Variants in FAM110A observed in about 807,000 individuals in gnomAD.
FAM110A encodes family with sequence similarity 110 member A, also known as protein FAM110A.
Under a neutral mutation model 4.0 loss-of-function variants are expected in FAM110A, and 1 was observed. That is an observed-to-expected ratio of 0.25 (90% CI 0.09 to 1.20). The LOEUF (loss-of-function observed/expected upper bound fraction) is 1.20. FAM110A is among the 50% of genes most tolerant of loss of function. The probability of loss-of-function intolerance (pLI) is 0.50; values close to 1 mark genes in which losing one functional copy is unlikely to be tolerated. For missense variants in FAM110A, 436 were observed against 429.2 expected (o/e 1.02, Z -0.14); for synonymous variants, 217 against 196.8 (o/e 1.10, Z -0.86).
intron 1 of FAM110A, among the ~76,000 whole-genome samples, chr20:843,727 G>C (rs949548512): frequency 3.3e-5 from 5 of 152,198 alleles, no homozygotes; most frequent in African/African-American, 1.2e-4. Context: ...TGGAAACAGG[G>C]TCAGGGTTGG....
chr20:837,045 GT>G (rs71191980), intron 1 of FAM110A, among the ~76,000 whole-genome samples: 42 of 82,908 alleles, frequency 5.1e-4, no homozygotes, highest in East Asian at 2.1e-3. Flanking sequence ...ACTCTGCATT[GT>G]TTTTTTTTTT....
chr20:845,326 C>G lies in FAM110A; in HGVS notation c.522C>G (p.Ala174=). The G allele has an allele frequency of 3.8e-6, 6 of 1,563,972 alleles. No individual in the cohort carries two copies. The highest frequency in any genetic ancestry group is 5.2e-6 in the Non-Finnish European group (6 of 1,155,152). ...ARPCPSPGPA[A]ASSPARPPGL... is the part of the protein sequence containing the mutation. ...CCTGCCCATCACCCGGCCCTGCCGC[C>G]GCCTCCAGCCCAGCCCGGCCGCCGG... is the stretch of plus-strand genomic sequence containing the variant. Residue 174 remains alanine (A), a synonymous_variant, in exon 2 of 2, where the codon GCC becomes GCG. Transcript: ENST00000381941.
intron 1 of FAM110A, among the ~76,000 whole-genome samples, chr20:836,366 C>T (rs1186312704): frequency 6.6e-6 from 1 of 152,042 alleles, no homozygotes; most frequent in Non-Finnish European, 1.5e-5. Context: ...CATTGCCTCT[C>T]CCCCCAGTGC....
chr20:838,851 G>C (rs1169684335), intron 1 of FAM110A, among the ~76,000 whole-genome samples: 1 of 140,016 alleles, frequency 7.1e-6, no homozygotes, highest in Non-Finnish European at 1.5e-5. Context: ...ACAGAGTCTT[G>C]CTCTGTTGTC....
At position 841,520 on chromosome 20, in the gene FAM110A, C is replaced by T. The variant is rs540566251; in HGVS notation, c.-97-3188C>T. On this transcript the variant is annotated intron_variant, in intron 1 of 1. Transcript: ENST00000381941. ...CACACAGCGCCCTGCTAGCCGACCC[C>T]CCATCCCCCGCCACCGGGAGTCCTC... Among the ~76,000 whole-genome samples the T allele has an allele frequency of 2.6e-5, 4 of 152,312 alleles. No individual in the cohort carries two copies. The South Asian group carries it at 8.3e-4, about 32-fold the overall frequency.
In FAM110A at chr20:844,948, C is replaced by A; in HGVS notation, c.144C>A (p.Ala48=). The change falls in exon 2 of 2, where the codon GCC becomes GCA. Residue 48 remains alanine (A), a synonymous_variant. Transcript: ENST00000381941. ...CGAGCGCTGTGGAGCGCCTGGAGGC[C>A]GACAAGGCCAAGTACGTCAAGAGCC... ...RKPSAVERLE[A]DKAKYVKSLH... is the part of the protein sequence containing the mutation. The A allele has an allele frequency of 1.3e-6, 2 of 1,590,084 alleles. No individual in the cohort carries two copies. Among genetic ancestry groups the A allele is most frequent in the South Asian group, 2.3e-5 (2 of 87,886 alleles).
intron 1 of FAM110A, among the ~76,000 whole-genome samples, chr20:836,461 A>G (rs1979581543): frequency 6.6e-6 from 1 of 152,056 alleles, no homozygotes; most frequent in Non-Finnish European, 1.5e-5. Flanking sequence ...TCATAACAGT[A>G]TTTGTCTTGT....
chr20:839,338 T>C, intron 1 of FAM110A: 1 of 454,512 alleles, frequency 2.2e-6, no homozygotes, highest in East Asian at 5.5e-5. Context: ...TTAGTTAACA[T>C]TTTGTAGAGC....
intron 1 of FAM110A, among the ~76,000 whole-genome samples, chr20:835,383 G>T (rs192145496): frequency 6.6e-6 from 1 of 152,078 alleles, no homozygotes; most frequent in South Asian, 2.1e-4. Flanking sequence ...GAGCTAAGAA[G>T]TCATGATGGT....
chr20:845,868 T>C lies in FAM110A; in HGVS notation c.*176T>C, dbSNP rs1045553423. On this transcript the variant is annotated 3_prime_UTR_variant, in exon 2 of 2. Coordinates refer to ENST00000381941, the MANE Select transcript of FAM110A (RefSeq NM_001042353.3). ...AGCATTGTTGGGCAAGGACTGACTCTCCAAGGGTTTTGTTCTTGGCTTTGG... is the reference window on the plus strand; with the variant it reads ...AGCATTGTTGGGCAAGGACTGACTCCCCAAGGGTTTTGTTCTTGGCTTTGG... 3.9e-5 allele frequency: 54 copies of C among 1,380,180 alleles called. No individual in the cohort carries two copies. The highest frequency in any genetic ancestry group is 5.2e-5 in the Non-Finnish European group (54 of 1,037,766). The allele number at this position is 1,380,180 out of a possible 1,614,324, so 85.5% of individuals were successfully genotyped here.
At position 844,834 on chromosome 20, in the gene FAM110A, C is replaced by G. The variant is rs745570131; in HGVS notation, c.30C>G (p.Ala10=). The G allele has an allele frequency of 6.6e-7, 1 of 1,515,126 alleles. No individual in the cohort carries two copies. Among genetic ancestry groups the G allele is most frequent in the Non-Finnish European group, 8.8e-7 (1 of 1,132,016 alleles). 93.9% of individuals were successfully genotyped at this position (1,515,126 alleles called of 1,614,324 possible). The change falls in exon 2 of 2, where the codon GCC becomes GCG. Residue 10 remains alanine, a synonymous_variant. Transcript: ENST00000381941. ...CTGTGCACACGCTGAGCCCCGGAGC[C>G]CCGTCCGCCCCCGCCCTACCTTGCC... MPVHTLSPG[A]PSAPALPCRL... is the part of the protein sequence containing the mutation.
Position 845,141 on chromosome 20 carries a change from T to A in FAM110A, c.337T>A (p.Leu113Met). The change falls in exon 2 of 2, where the codon TTG becomes ATG. Residue 113 changes from leucine (L) to methionine (M), a missense_variant. Leu to Met is a conservative substitution (Grantham distance 15). Coordinates refer to ENST00000381941, the MANE Select transcript of FAM110A (RefSeq NM_001042353.3). ...GGACATCCTCAGCAGCCTCATCGAC[T>A]TGTGTGACAGCCCCGTGTCCCCTGC... ...DLDILSSLID[L>M]CDSPVSPAEA... 6.3e-7 allele frequency: 1 copy of A among 1,580,266 alleles called. No homozygotes were observed. Among genetic ancestry groups the A allele is most frequent in the Non-Finnish European group, 8.6e-7 (1 of 1,164,866 alleles).
rs1233932465 is a variant in FAM110A at position 845,323 on chromosome 20, C to T, written c.519C>T (p.Ala173=). 6.4e-7 allele frequency: 1 copy of T among 1,560,496 alleles called. No individual in the cohort carries two copies. Among genetic ancestry groups the T allele is most frequent in the Non-Finnish European group, 8.7e-7 (1 of 1,153,168 alleles). ...PARPCPSPGP[A]AASSPARPPG... ...GGCCCTGCCCATCACCCGGCCCTGC[C>T]GCCGCCTCCAGCCCAGCCCGGCCGC... Residue 173 remains alanine (A), a synonymous_variant, in exon 2 of 2, where the codon GCC becomes GCT. Coordinates refer to ENST00000381941, the MANE Select transcript of FAM110A (RefSeq NM_001042353.3).
At chr20:839,507 T>C in intron 1 of FAM110A, 1 of 1,003,750 alleles carries the variant, frequency 1.0e-6, no homozygotes, top group Non-Finnish European at 1.6e-6. Context: ...ATTCGGTTGC[T>C]GACCCAGCCC....
At chr20:841,009 G>A (rs1011835016) in intron 1 of FAM110A, among the ~76,000 whole-genome samples, 1 of 152,210 alleles carries the variant, frequency 6.6e-6, no homozygotes, top group Non-Finnish European at 1.5e-5. Context: ...CTCTAAGGTG[G>A]GTGCGCTTGC....
intron 1 of FAM110A, among the ~76,000 whole-genome samples, chr20:838,234 C>T (rs1204005622): frequency 6.6e-6 from 1 of 152,226 alleles, no homozygotes; most frequent in Non-Finnish European, 1.5e-5. Context: ...AAGGACACAA[C>T]ATCACTTTTG....
rs1290057905 is a variant in FAM110A at position 833,897 on chromosome 20, A to G, written c.-152A>G. On this transcript the variant is annotated 5_prime_UTR_variant, in exon 1 of 2. Transcript: ENST00000381941. This position sits in a 1 kb window ranked among gnomAD's most constrained non-coding sequence, Gnocchi z 4.1. ...ACTACCGGCCCGGGTCCGAGCTGTCAGCCTCTCCAAAGCCTGCGCGAGAGG... is the reference window on the plus strand; with the variant it reads ...ACTACCGGCCCGGGTCCGAGCTGTCGGCCTCTCCAAAGCCTGCGCGAGAGG... 1 of 152,262 alleles carries G rather than the reference A, an allele frequency of 6.6e-6. No individual in the cohort carries two copies. The highest frequency in any genetic ancestry group is 1.5e-5 in the Non-Finnish European group (1 of 68,104). The allele number at this position is 152,262 out of a possible 1,614,324, so 9.4% of individuals were successfully genotyped here.
chr20:842,212 G>A (rs111412543), intron 1 of FAM110A, among the ~76,000 whole-genome samples: 3,656 of 152,314 alleles, frequency 0.024, 172 homozygotes, highest in African/African-American at 0.081. Flanking sequence ...GCCGAAGGCC[G>A]GCGGGCCCGC....
Position 845,085 on chromosome 20 carries a change from C to G in FAM110A, c.281C>G (p.Pro94Arg). 6.3e-7 allele frequency: 1 copy of G among 1,597,482 alleles called. No homozygotes were observed. Among genetic ancestry groups the G allele is most frequent in the Non-Finnish European group, 8.5e-7 (1 of 1,173,358 alleles). ...CTCACGCCCAGCCGCCGAGCCCTGC[C>G]TGGCCCCTGCCGACGGCCCCAGCTG... ...TVLTPSRRAL[P>R]GPCRRPQLDL... Residue 94 changes from proline (P) to arginine (R), a missense_variant, in exon 2 of 2, where the codon CCT becomes CGT. Coordinates refer to ENST00000381941, the MANE Select transcript of FAM110A (RefSeq NM_001042353.3).
Sources: allele counts gnomAD v4.1 joint callset (sites outside exome capture counted in the v4.1 genomes callset), GRCh38; gene constraint gnomAD v4.1.1; non-coding constraint Gnocchi (gnomAD v3.1); transcripts MANE v1.5; gene names NCBI Gene and HGNC (gene_info 2026-07-23, HGNC 2026-07-21).